PDE1C: variants seen among roughly 807,000 people sequenced by gnomAD.
PDE1C encodes dual specificity calcium/calmodulin-dependent 3',5'-cyclic nucleotide phosphodiesterase 1C.
A neutral mutation model predicts 93.1 loss-of-function variants in PDE1C; 62 were observed. That is an observed-to-expected ratio of 0.67 (90% CI 0.54 to 0.82). The LOEUF (loss-of-function observed/expected upper bound fraction) is 0.82, where lower values mean the gene tolerates loss of function less well. PDE1C is among the 40% of genes least tolerant of loss of function. The pLI, the probability that PDE1C is intolerant of heterozygous loss-of-function variation, is 0.00. For synonymous variants in PDE1C, 325 were observed against 310.1 expected (o/e 1.05, Z -0.50); for missense variants, 742 against 884.6 (o/e 0.84, Z 2.04).
At chr7:31,685,241 G>A in the PDE1C span, among the ~76,000 whole-genome samples, 1 of 152,138 alleles carries the variant, frequency 6.6e-6, no homozygotes, top group Admixed American at 6.5e-5. Flanking sequence ...AGTTTAAAAA[G>A]TGATTGGGAG....
chr7:31,968,667 A>C (rs1205349282), intron 2 of PDE1C, among the ~76,000 whole-genome samples: 1 of 152,206 alleles, frequency 6.6e-6, no homozygotes, highest in Non-Finnish European at 1.5e-5. Context: ...TCCTAAGCCA[A>C]AAGAACAAAG....
At chr7:31,894,605 C>T (rs73306564) in intron 2 of PDE1C, among the ~76,000 whole-genome samples, 19,110 of 152,182 alleles carry the variant, frequency 0.13, 1,552 homozygotes, top group Admixed American at 0.21. Flanking sequence ...TCTCAGCCCC[C>T]ACATTCACAT....
Position 31,816,059 on chromosome 7 carries a change from C to G in PDE1C, c.1678G>C (p.Ala560Pro). 3 of 1,613,960 alleles carry G rather than the reference C, an allele frequency of 1.9e-6. No homozygotes were observed. In the East Asian group the frequency reaches 6.7e-5, roughly 36 times the overall value. ...GTCTTTTTCTCAGCTTTGCCAGATG[C>G]GCCTTCTTCAGCCTGGCTTTTGGCT... Reference protein sequence around the residue: ...MEAKSQAEEGASGKAEKKTSG... With the variant: ...MEAKSQAEEGPSGKAEKKTSG... Residue 560 changes from alanine (A) to proline (P), a missense_variant, in exon 15 of 18, where the codon GCA becomes CCA. Ala to Pro is a conservative substitution (Grantham distance 27). Transcript: ENST00000396191.
chr7:31,714,763 C>T, the PDE1C span, among the ~76,000 whole-genome samples: 2 of 152,160 alleles, frequency 1.3e-5, no homozygotes, highest in Non-Finnish European at 2.9e-5. Flanking sequence ...TCTCATGAGA[C>T]TTATTCATGA....
At chr7:32,269,034 C>T (rs1426983940) in intron 1 of PDE1C, among the ~76,000 whole-genome samples, 1 of 152,230 alleles carries the variant, frequency 6.6e-6, no homozygotes, top group African/African-American at 2.4e-5. Context: ...ACTCAAGTCG[C>T]TCAAACTGAA....
At chr7:32,331,214 G>A (rs1246251955) in intron 1 of PDE1C, among the ~76,000 whole-genome samples, 1 of 152,210 alleles carries the variant, frequency 6.6e-6, no homozygotes, top group Non-Finnish European at 1.5e-5. Context: ...TCCATCCTCA[G>A]AAGGATCCAA....
At chr7:31,946,106 T>G (rs1806569185) in intron 2 of PDE1C, among the ~76,000 whole-genome samples, 1 of 152,192 alleles carries the variant, frequency 6.6e-6, no homozygotes, top group South Asian at 2.1e-4. Flanking sequence ...TCTTCATATA[T>G]CAATCATAGT....
At chr7:31,690,703 C>G in the PDE1C span, among the ~76,000 whole-genome samples, 3 of 152,160 alleles carry the variant, frequency 2.0e-5, no homozygotes, top group Non-Finnish European at 2.9e-5. Context: ...TTAAAAACCG[C>G]CTTACCTTTC....
intron 1 of PDE1C, among the ~76,000 whole-genome samples, chr7:32,291,473 C>T (rs912472850): frequency 2.0e-5 from 3 of 152,214 alleles, no homozygotes; most frequent in Non-Finnish European, 2.9e-5. Flanking sequence ...TCCCCATTTC[C>T]CACTGGAATC....
chr7:32,271,087 G>T (rs529136498), intron 1 of PDE1C, among the ~76,000 whole-genome samples: 1 of 152,336 alleles, frequency 6.6e-6, no homozygotes, highest in South Asian at 2.1e-4. Flanking sequence ...GCAGTGAGCA[G>T]AGATAGCACC....
upstream of PDE1C, among the ~76,000 whole-genome samples, chr7:32,301,538 T>C (rs1378525561): frequency 6.6e-6 from 1 of 152,228 alleles, no homozygotes; most frequent in Non-Finnish European, 1.5e-5. Flanking sequence ...TCATTATCTC[T>C]CTCCCTGGTT....
chr7:32,094,082 G>A (rs1316133503), intron 3 of PDE1C, among the ~76,000 whole-genome samples: 2 of 152,220 alleles, frequency 1.3e-5, no homozygotes, highest in Admixed American at 6.5e-5. Flanking sequence ...GTCCCCCATG[G>A]CATAGGTGTG....
At chr7:31,933,146 T>C (rs1268875975) in intron 2 of PDE1C, among the ~76,000 whole-genome samples, 1 of 152,088 alleles carries the variant, frequency 6.6e-6, no homozygotes, top group Non-Finnish European at 1.5e-5. Context: ...GATGGGTTGA[T>C]GGGTGCAGCA....
chr7:32,031,401 A>T (rs1298223203), intron 2 of PDE1C, among the ~76,000 whole-genome samples: 1 of 152,194 alleles, frequency 6.6e-6, no homozygotes, highest in African/African-American at 2.4e-5. Flanking sequence ...AAAGCCACAC[A>T]CTGATTAGTA....
chr7:32,278,057 A>T (rs139348317), intron 1 of PDE1C, among the ~76,000 whole-genome samples: 1 of 146,068 alleles, frequency 6.8e-6, no homozygotes, highest in East Asian at 2.1e-4. Flanking sequence ...GTGAAAAGGG[A>T]ATTGGATTAT....
At chr7:32,367,087 A>G (rs192212500) in intron 1 of PDE1C, among the ~76,000 whole-genome samples, 2 of 152,288 alleles carry the variant, frequency 1.3e-5, no homozygotes, top group Admixed American at 1.3e-4. Context: ...CAGCAAAGCT[A>G]TCCTTCAGAA....
intron 2 of PDE1C, among the ~76,000 whole-genome samples, chr7:31,927,687 C>T (rs1347212214): frequency 1.3e-5 from 2 of 152,166 alleles, no homozygotes; most frequent in South Asian, 2.1e-4. Context: ...CAAACTCCAG[C>T]AGACCTGCAG....
At chr7:31,724,633 A>C in the PDE1C span, among the ~76,000 whole-genome samples, 1 of 152,216 alleles carries the variant, frequency 6.6e-6, no homozygotes, top group Admixed American at 6.5e-5. Flanking sequence ...TATAACTAGA[A>C]GTTTCTAGTA....
intron 3 of PDE1C, chr7:32,077,997 A>C (rs2128733793): frequency 2.0e-6 from 2 of 985,400 alleles, no homozygotes; most frequent in Non-Finnish European, 2.4e-6. Flanking sequence ...GGCTCCGTGG[A>C]CATTCTGCCT....
Sources: allele counts gnomAD v4.1 joint callset (sites outside exome capture counted in the v4.1 genomes callset), GRCh38; gene constraint gnomAD v4.1.1; transcripts MANE v1.5; gene names NCBI Gene and HGNC (gene_info 2026-07-23, HGNC 2026-07-21).